The following NCAM2 variants were observed in gnomAD, a reference collection of about 807,000 sequenced individuals.
NCAM2 encodes the protein neural cell adhesion molecule 2.
NCAM2 carries 30 observed loss-of-function variants against 98.1 expected under a neutral mutation model. That is an observed-to-expected ratio of 0.31 (90% CI 0.23 to 0.41). NCAM2 has a LOEUF of 0.41. Among genes scored for constraint, NCAM2 ranks in the 10% least tolerant of loss-of-function variants. The pLI is 1.00. For missense variants in NCAM2, 867 were observed against 1,005.8 expected (o/e 0.86, Z 1.87); for synonymous variants, 368 against 342.4 (o/e 1.07, Z -0.83).
At chr21:21,069,984 GAACACCGGCAA>G (rs2065525417) in intron 1 of NCAM2, among the ~76,000 whole-genome samples, 1 of 151,998 alleles carries the variant, frequency 6.6e-6, no homozygotes. Flanking sequence ...CATGCACTGT[GAACACCGGCAA>G]TTTAATGTGT....
chr21:21,436,769 CTT>C (rs199997405), intron 12 of NCAM2, among the ~76,000 whole-genome samples: 6 of 138,046 alleles, frequency 4.3e-5, no homozygotes, highest in East Asian at 2.2e-4. Context: ...CTTTTTTTTT[CTT>C]TTTTTTTTTT....
chr21:21,280,755 A>T, intron 2 of NCAM2, 103 bp downstream of exon 2: 2 of 707,828 alleles, frequency 2.8e-6, no homozygotes, highest in South Asian at 4.2e-5. Flanking sequence ...TTCTCTAACA[A>T]TAACATCTTA....
At chr21:21,437,036 A>G (rs188032454) in intron 12 of NCAM2, among the ~76,000 whole-genome samples, 432 of 152,004 alleles carry the variant, frequency 2.8e-3, no homozygotes, top group African/African-American at 0.01. Flanking sequence ...CATCCTCCCA[A>G]AGTGCTGGGA....
intron 1 of NCAM2, among the ~76,000 whole-genome samples, chr21:21,050,148 AG>A (rs945173612): frequency 6.6e-6 from 1 of 151,406 alleles, no homozygotes; most frequent in Non-Finnish European, 1.5e-5. Flanking sequence ...AAAAAAAAAA[AG>A]GTTTTTCTCT....
intron 17 of NCAM2, among the ~76,000 whole-genome samples, chr21:21,535,171 T>C (rs1989917575): frequency 6.6e-6 from 1 of 152,230 alleles, no homozygotes; most frequent in African/African-American, 2.4e-5. Flanking sequence ...ATTCTTGATG[T>C]TATTTATTTT....
intron 6 of NCAM2, among the ~76,000 whole-genome samples, chr21:21,326,618 A>G (rs1362972839): frequency 6.6e-6 from 1 of 152,124 alleles, no homozygotes; most frequent in Non-Finnish European, 1.5e-5. Context: ...AATTAGAAAT[A>G]GTATTATATA....
chr21:21,254,911 TG>T (rs2071608991), intron 1 of NCAM2, among the ~76,000 whole-genome samples: 1 of 147,760 alleles, frequency 6.8e-6, no homozygotes, highest in African/African-American at 2.5e-5. Flanking sequence ...TGTGTGTGTG[TG>T]TGTGTGTGTG....
chr21:21,059,042 A>G (rs1233840718), intron 1 of NCAM2, among the ~76,000 whole-genome samples: 2 of 152,054 alleles, frequency 1.3e-5, no homozygotes, highest in Non-Finnish European at 1.5e-5. Flanking sequence ...TGAAATAGAC[A>G]TTTTTCTTTT....
chr21:21,140,835 A>T (rs1169906922), intron 1 of NCAM2, among the ~76,000 whole-genome samples: 2 of 152,198 alleles, frequency 1.3e-5, no homozygotes, highest in African/African-American at 2.4e-5. Context: ...AGTCAAATTA[A>T]TTCATTGATA....
In NCAM2 at chr21:21,299,150, C is replaced by T. The variant is rs185667831; in HGVS notation, c.619+6909C>T. On this transcript the variant is annotated intron_variant, in intron 5 of 17. Coordinates refer to ENST00000400546, the MANE Select transcript of NCAM2 (RefSeq NM_004540.5). ...TGACATTGTGGAGATGAATGGCATT[C>T]AGGAAAATTAATGTCTAAATAACTT... Among the ~76,000 whole-genome samples, 3 of 151,710 alleles carry T rather than the reference C, an allele frequency of 2.0e-5. No homozygotes were observed. The Admixed American group carries it at 2.0e-4, about 10-fold the overall frequency.
intron 12 of NCAM2, among the ~76,000 whole-genome samples, chr21:21,444,392 G>A (rs756537955): frequency 6.6e-5 from 10 of 152,102 alleles, no homozygotes; most frequent in African/African-American, 1.7e-4. Flanking sequence ...GTTTGGAATC[G>A]TTTCAGATAG....
chr21:21,204,203 A>G (rs2069347781), intron 1 of NCAM2, among the ~76,000 whole-genome samples: 1 of 152,104 alleles, frequency 6.6e-6, no homozygotes, highest in African/African-American at 2.4e-5. Flanking sequence ...GGTTCTTACA[A>G]TTTTAGCATC....
At chr21:21,104,921 C>T (rs560400032) in intron 1 of NCAM2, among the ~76,000 whole-genome samples, 2 of 151,930 alleles carry the variant, frequency 1.3e-5, no homozygotes, top group South Asian at 4.2e-4. Context: ...TGGGAGCAGC[C>T]CAGTGGGGAG....
intron 1 of NCAM2, among the ~76,000 whole-genome samples, chr21:21,265,190 A>C (rs1286177590): frequency 4.0e-5 from 5 of 125,538 alleles, no homozygotes; most frequent in Non-Finnish European, 3.2e-5. Flanking sequence ...TATATAATAT[A>C]TGTGTGTATG....
rs1437164715 is a variant in NCAM2 at position 21,508,829 on chromosome 21, TTTTTTTTTTTTA to T, written c.2078-21_2078-10del. ...TTTCCTTTTTTTTTTTTTTTTTTTT[TTTTTTTTTTTTA>T]CTTTTTAAGACACGCTGTTTAATGG... On this transcript the variant is annotated splice_polypyrimidine_tract_variant and intron_variant, in intron 15 of 17. Coordinates refer to ENST00000400546, the MANE Select transcript of NCAM2 (RefSeq NM_004540.5). 8 of 1,061,260 alleles carry T rather than the reference TTTTTTTTTTTTA, an allele frequency of 7.5e-6. No homozygotes were observed. The South Asian group carries it at 1.6e-4, about 22-fold the overall frequency. The allele number at this position is 1,061,260 out of a possible 1,614,324, so 65.7% of individuals were successfully genotyped here. A position where few individuals can be genotyped will look rare whatever the true frequency, so the allele number is the denominator to read the frequency against.
At chr21:21,124,034 G>A (rs1444449497) in intron 1 of NCAM2, among the ~76,000 whole-genome samples, 1 of 151,602 alleles carries the variant, frequency 6.6e-6, no homozygotes, top group African/African-American at 2.4e-5. Flanking sequence ...TTTTAGTAGA[G>A]ACGGGGTTTC....
chr21:21,477,532 C>A lies in NCAM2; in HGVS notation c.2077+61C>A, dbSNP rs544695622. 87 of 1,248,550 alleles carry A rather than the reference C, an allele frequency of 7.0e-5. 1 individual carries two copies. In the South Asian group the frequency reaches 1.4e-3, roughly 20 times the overall value. The allele number at this position is 1,248,550 out of a possible 1,614,324, so 77.3% of individuals were successfully genotyped here. The stretch of plus-strand genomic sequence containing the variant: ...TAAATATGATACCACCTTTTTATAA[C>A]CCTTACTGACTTTTCTTATTAATAA... On this transcript the variant is annotated intron_variant, in intron 15 of 17. Transcript: ENST00000400546.
chr21:21,506,456 G>A (rs935483556), intron 15 of NCAM2, among the ~76,000 whole-genome samples: 2 of 151,870 alleles, frequency 1.3e-5, no homozygotes, highest in Non-Finnish European at 2.9e-5. Context: ...TTTTTTAACT[G>A]CAAACAGAAA....
At chr21:21,034,994 A>T (rs1315031813) in intron 1 of NCAM2, among the ~76,000 whole-genome samples, 2 of 152,138 alleles carry the variant, frequency 1.3e-5, no homozygotes, top group African/African-American at 4.8e-5. Context: ...ACACCCTCAA[A>T]CTTGTCTGTA....
Sources: gnomAD v4.1 joint callset for allele counts (sites outside exome capture counted in the v4.1 genomes callset) on GRCh38, gnomAD v4.1.1 for gene constraint, MANE v1.5 for transcripts, NCBI Gene and HGNC (gene_info 2026-07-23, HGNC 2026-07-21) for gene names.